The following KCNQ5 variants were observed in gnomAD, a reference collection of about 807,000 sequenced individuals.
KCNQ5 encodes the protein potassium voltage-gated channel subfamily KQT member 5.
In KCNQ5, 30 loss-of-function variants were observed where a neutral mutation model predicts 98.2. The ratio of observed to expected loss-of-function variants is 0.31; its 90% CI spans 0.23 to 0.41. The LOEUF (loss-of-function observed/expected upper bound fraction) is 0.41, where lower values mean the gene tolerates loss of function less well. Among genes scored for constraint, KCNQ5 ranks in the 10% least tolerant of loss-of-function variants. KCNQ5 has a pLI of 1.00. For missense variants in KCNQ5, 835 were observed against 1,182.5 expected (o/e 0.71, Z 4.31); for synonymous variants, 458 against 449.4 (o/e 1.02, Z -0.24).
intron 1 of KCNQ5, among the ~76,000 whole-genome samples, chr6:72,901,878 G>T (rs564094390): frequency 7.9e-5 from 12 of 152,056 alleles, no homozygotes; most frequent in Non-Finnish European, 1.8e-4. Flanking sequence ...TTCTAATTCT[G>T]TGAAGAATGA....
intron 1 of KCNQ5, among the ~76,000 whole-genome samples, chr6:72,639,449 GA>G (rs2098926007): frequency 6.6e-6 from 1 of 152,068 alleles, no homozygotes; most frequent in East Asian, 1.9e-4. Context: ...TGATGTCCTG[GA>G]AAAAAAGGCC....
intron 9 of KCNQ5, among the ~76,000 whole-genome samples, chr6:73,127,383 C>T (rs1353267824): frequency 1.3e-5 from 2 of 152,124 alleles, no homozygotes; most frequent in African/African-American, 4.8e-5. Flanking sequence ...ACATTTTCAC[C>T]TTTTAGCCCA....
intron 1 of KCNQ5, among the ~76,000 whole-genome samples, chr6:72,860,299 A>T (rs758217097): frequency 3.3e-5 from 5 of 152,084 alleles, no homozygotes; most frequent in Non-Finnish European, 5.9e-5. Context: ...TAACCCTCTG[A>T]ACTACTTAAA....
chr6:73,172,012 C>T (rs192631127), intron 11 of KCNQ5, among the ~76,000 whole-genome samples: 1 of 151,642 alleles, frequency 6.6e-6, no homozygotes, highest in African/African-American at 2.4e-5. Flanking sequence ...TCAGCAACAG[C>T]TTAAGATTTA....
intron 1 of KCNQ5, among the ~76,000 whole-genome samples, chr6:72,945,404 A>G (rs9360620): frequency 9.9e-6 from 1 of 101,172 alleles, no homozygotes. Flanking sequence ...CCCTCCCCCC[A>G]CCCCCCACCC....
At chr6:73,042,240 G>A (rs900470665) in intron 3 of KCNQ5, 178 bp downstream of exon 3, 11 of 670,204 alleles carry the variant, frequency 1.6e-5, no homozygotes, top group East Asian at 5.5e-5. Flanking sequence ...ACAGCATTAT[G>A]AGGTAGATAT....
At chr6:72,942,661 A>G (rs1031349158) in intron 1 of KCNQ5, among the ~76,000 whole-genome samples, 1 of 152,236 alleles carries the variant, frequency 6.6e-6, no homozygotes, top group African/African-American at 2.4e-5. Context: ...GAGCAGAAAT[A>G]CAGGTTTCTT....
intron 1 of KCNQ5, among the ~76,000 whole-genome samples, chr6:72,689,110 T>C (rs1473322108): frequency 6.6e-6 from 1 of 152,228 alleles, no homozygotes; most frequent in Non-Finnish European, 1.5e-5. Flanking sequence ...GCAGTTAATT[T>C]TGAGGTTTAA....
At chr6:72,865,960 G>A (rs547714127) in intron 1 of KCNQ5, among the ~76,000 whole-genome samples, 1 of 152,166 alleles carries the variant, frequency 6.6e-6, no homozygotes, top group Non-Finnish European at 1.5e-5. Context: ...CTGGTAGACA[G>A]ACAAACATTT....
intron 1 of KCNQ5, among the ~76,000 whole-genome samples, chr6:72,971,377 A>G (rs1249015407): frequency 6.6e-6 from 1 of 152,206 alleles, no homozygotes; most frequent in African/African-American, 2.4e-5. Context: ...GAAAAACAGG[A>G]ACACTTTTAC....
chr6:72,807,040 G>A (rs1423744035), intron 1 of KCNQ5, among the ~76,000 whole-genome samples: 1 of 151,918 alleles, frequency 6.6e-6, no homozygotes, highest in Middle Eastern at 3.4e-3. Context: ...TCTGTGGTAA[G>A]GTGTTTTCTT....
At chr6:72,802,139 C>T (rs1272450839) in intron 1 of KCNQ5, among the ~76,000 whole-genome samples, 8 of 151,514 alleles carry the variant, frequency 5.3e-5, no homozygotes, top group South Asian at 2.1e-4. Context: ...ATCTTTGTGG[C>T]GTTCTCTGTA....
At chr6:72,960,479 G>C in intron 1 of KCNQ5, among the ~76,000 whole-genome samples, 1 of 152,212 alleles carries the variant, frequency 6.6e-6, no homozygotes, top group African/African-American at 2.4e-5. Flanking sequence ...ACCCAGGCTG[G>C]AGTGCAATGG....
At chr6:73,022,010 G>T (rs765301145) in intron 2 of KCNQ5, among the ~76,000 whole-genome samples, 1 of 151,950 alleles carries the variant, frequency 6.6e-6, no homozygotes, top group Non-Finnish European at 1.5e-5. Context: ...TATCAAAGCA[G>T]TATAATCATG....
chr6:72,778,395 G>A lies in KCNQ5; in HGVS notation c.398+155808G>A, dbSNP rs559914662. Among the ~76,000 whole-genome samples the A allele has an allele frequency of 6.6e-5, 10 of 151,974 alleles. No individual in the cohort carries two copies. In the East Asian group the frequency reaches 1.7e-3, roughly 27 times the overall value. ...CTACCAAAAAATATAAAAATTAGCC[G>A]GGCATGGTGGCACTTACCTGTGGTT... On this transcript the variant is annotated intron_variant, in intron 1 of 13. Transcript: ENST00000370398.
At chr6:73,152,479 C>A (rs1040550890) in intron 10 of KCNQ5, among the ~76,000 whole-genome samples, 8 of 151,846 alleles carry the variant, frequency 5.3e-5, no homozygotes, top group African/African-American at 1.7e-4. Flanking sequence ...ACTAAGGGTT[C>A]TTTTATTTTA....
intron 2 of KCNQ5, among the ~76,000 whole-genome samples, chr6:73,009,040 A>T (rs761695146): frequency 3.9e-5 from 6 of 152,030 alleles, no homozygotes; most frequent in Non-Finnish European, 8.8e-5. Flanking sequence ...CCCAGGCTGG[A>T]GTACAGTGGT....
chr6:72,915,834 A>C (rs1780114312), intron 1 of KCNQ5, among the ~76,000 whole-genome samples: 1 of 152,196 alleles, frequency 6.6e-6, no homozygotes, highest in African/African-American at 2.4e-5. Context: ...TATTTATGTA[A>C]GATCTTGTAC....
rs1765831485 is a variant in KCNQ5, at chr6:73,197,577, GCATACA to G, written c.*2166_*2171del. 9.4e-6 allele frequency: 1 copy of G among 106,930 alleles called. No homozygotes were observed. Among genetic ancestry groups the G allele is most frequent in the Non-Finnish European group, 1.9e-5 (1 of 53,860 alleles). 6.6% of individuals were successfully genotyped at this position (106,930 alleles called of 1,614,324 possible). A position where few individuals can be genotyped will look rare whatever the true frequency, so the allele number is the denominator to read the frequency against. On this transcript the variant is annotated 3_prime_UTR_variant, in exon 14 of 14. Coordinates refer to ENST00000370398, the MANE Select transcript of KCNQ5 (RefSeq NM_019842.4). ...TGTGATTCCCCCTTGCAAGAATGTT[GCATACA>G]CACACACACACACACACACACACAC...
Sources: gnomAD v4.1 joint callset for allele counts (sites outside exome capture counted in the v4.1 genomes callset) on GRCh38, gnomAD v4.1.1 for gene constraint, MANE v1.5 for transcripts, NCBI Gene and HGNC (gene_info 2026-07-23, HGNC 2026-07-21) for gene names.